GRIK3: variants seen among roughly 807,000 people sequenced by gnomAD.
GRIK3 encodes glutamate receptor ionotropic, kainate 3.
A neutral mutation model predicts 102.5 loss-of-function variants in GRIK3; 29 were observed. The ratio of observed to expected loss-of-function variants is 0.28; its 90% CI spans 0.21 to 0.39. The LOEUF (loss-of-function observed/expected upper bound fraction) is 0.39. GRIK3 is among the 10% of genes least tolerant of loss of function. The pLI is 1.00. For synonymous variants in GRIK3, 511 were observed against 504.9 expected, an observed-to-expected ratio of 1.01 and a Z score of -0.16; for missense variants, 908 against 1,252.4, an observed-to-expected ratio of 0.73 and a Z score of 4.15.
chr1:36,971,543 C>T (rs1340684429), intron 1 of GRIK3, among the ~76,000 whole-genome samples: 5 of 152,186 alleles, frequency 3.3e-5, no homozygotes, highest in South Asian at 4.1e-4. Context: ...TCTAAGTCCT[C>T]CCCTCTGTGC....
intron 2 of GRIK3, among the ~76,000 whole-genome samples, chr1:36,885,698 C>T (rs147418675): frequency 0.016 from 2,431 of 152,320 alleles, 34 homozygotes; most frequent in South Asian, 0.04. Flanking sequence ...AACACTGCTG[C>T]CCCCACAGGG....
Position 36,819,658 on chromosome 1 carries a change from C to G in GRIK3, c.1873+78G>C, listed in dbSNP as rs1642675599. 3 of 792,670 alleles carry G rather than the reference C, an allele frequency of 3.8e-6. No homozygotes were observed. The highest frequency in any genetic ancestry group is 6.8e-6 in the Non-Finnish European group (3 of 440,366). 49.1% of individuals were successfully genotyped at this position (792,670 alleles called of 1,614,324 possible). A position where few individuals can be genotyped will look rare whatever the true frequency, so the allele number is the denominator to read the frequency against. ...CTACCCCTAGAGGTGTGGGCTGGCT[C>G]TGCTGATGCCAAAGAGGCTGAAGAC... On this transcript the variant is annotated intron_variant, in intron 12 of 15. Coordinates refer to ENST00000373091, the MANE Select transcript of GRIK3 (RefSeq NM_000831.4). The surrounding 1 kb of genome is among the most constrained non-coding windows in gnomAD (Gnocchi z 4.1).
intron 1 of GRIK3, among the ~76,000 whole-genome samples, chr1:36,967,406 C>T (rs914541672): frequency 1.3e-5 from 2 of 152,208 alleles, no homozygotes; most frequent in Non-Finnish European, 2.9e-5. Flanking sequence ...ACCCTCTGCT[C>T]AGGGATCACT....
intron 1 of GRIK3, among the ~76,000 whole-genome samples, chr1:36,922,337 G>GTGGCAGGTA (rs1295100613): frequency 2.0e-5 from 3 of 152,168 alleles, no homozygotes; most frequent in Non-Finnish European, 4.4e-5. Flanking sequence ...GTTCTGCCCT[G>GTGGCAGGTA]TGGCAGGTAC....
chr1:37,017,550 G>A lies in GRIK3; in HGVS notation c.115+16444C>T, dbSNP rs183915842. On this transcript the variant is annotated intron_variant, in intron 1 of 15. Transcript: ENST00000373091. ...AGGCACTGGCCTTTTCAGGGAGCTC[G>A]GAAAACCTGGATTTTTATGGCATCT... Among the ~76,000 whole-genome samples, 4 of 152,140 alleles carry A rather than the reference G, an allele frequency of 2.6e-5. No individual in the cohort carries two copies. The East Asian group carries it at 5.8e-4, about 22-fold the overall frequency.
intron 1 of GRIK3, among the ~76,000 whole-genome samples, chr1:36,935,570 G>A (rs1352759966): frequency 5.3e-5 from 7 of 131,962 alleles, no homozygotes; most frequent in African/African-American, 1.7e-4. Flanking sequence ...CCCTGCCCCC[G>A]CACCCAGCAA....
chr1:36,908,537 G>A, intron 1 of GRIK3, among the ~76,000 whole-genome samples: 1 of 152,196 alleles, frequency 6.6e-6, no homozygotes, highest in East Asian at 1.9e-4. Flanking sequence ...CCCCGCTGGA[G>A]GCTGCCCCCC....
rs1640851622 is a variant in GRIK3, at chr1:36,872,286, C to T, written c.634G>A (p.Asp212Asn). 5 of 1,613,182 alleles carry T rather than the reference C, an allele frequency of 3.1e-6. No individual in the cohort carries two copies. Among genetic ancestry groups the T allele is most frequent in the Non-Finnish European group, 3.4e-6 (4 of 1,179,596 alleles). The part of the protein sequence containing the change: ...LKIRQLPIDS[D>N]DSRPLLKEMK... Reference sequence around the variant, plus strand: ...TCCTTGAGCAAGGGGCGCGAGTCGTCAGAGTCGATGGGGAGCTGACGGATC... The same window carrying T: ...TCCTTGAGCAAGGGGCGCGAGTCGTTAGAGTCGATGGGGAGCTGACGGATC... The change falls in exon 4 of 16, where the codon GAC becomes AAC. Residue 212 changes from aspartate (D) to asparagine (N), a missense_variant. This residue lies in a region of GRIK3 where 585 missense variants were observed against 824.9 expected (regional missense o/e 0.71). Transcript: ENST00000373091. The surrounding 1 kb of genome is among the most constrained non-coding windows in gnomAD (Gnocchi z 5.9).
intron 1 of GRIK3, among the ~76,000 whole-genome samples, chr1:36,921,904 GCTCCTTCCCTCCCACCT>G (rs1319438305): frequency 6.6e-6 from 1 of 152,140 alleles, no homozygotes; most frequent in African/African-American, 2.4e-5. Context: ...GGGTCCAGTG[GCTCCTTCCCTCCCACCT>G]CTCTCCTTTC....
At chr1:36,869,645 C>A in intron 5 of GRIK3, 103 bp downstream of exon 5, 1 of 888,158 alleles carries the variant, frequency 1.1e-6, no homozygotes, top group Non-Finnish European at 1.9e-6. Flanking sequence ...CCTGAGGAAG[C>A]TGCAGCAATT....
chr1:36,848,829 T>C (rs943551195), intron 9 of GRIK3, among the ~76,000 whole-genome samples: 1 of 152,122 alleles, frequency 6.6e-6, no homozygotes, highest in Admixed American at 6.5e-5. Flanking sequence ...TATTTTTGCT[T>C]ATTGGTTTTA....
At chr1:36,986,979 A>G (rs568697021) in intron 1 of GRIK3, among the ~76,000 whole-genome samples, 1 of 152,298 alleles carries the variant, frequency 6.6e-6, no homozygotes, top group African/African-American at 2.4e-5. Context: ...CACCCAACCC[A>G]AGGATACAAC....
intron 1 of GRIK3, among the ~76,000 whole-genome samples, chr1:36,943,452 T>C (rs1172221996): frequency 6.6e-6 from 1 of 152,136 alleles, no homozygotes; most frequent in Non-Finnish European, 1.5e-5. Flanking sequence ...CATTTCCACC[T>C]CTACACAATG....
chr1:36,947,936 C>T (rs1641802922), intron 1 of GRIK3, among the ~76,000 whole-genome samples: 1 of 152,138 alleles, frequency 6.6e-6, no homozygotes, highest in South Asian at 2.1e-4. Flanking sequence ...TCACTCTCTA[C>T]ACTTGCCTTT....
chr1:36,940,574 T>C (rs1047496427), intron 1 of GRIK3, among the ~76,000 whole-genome samples: 3 of 152,194 alleles, frequency 2.0e-5, no homozygotes, highest in South Asian at 2.1e-4. Context: ...TCTTGAGATA[T>C]TGCATAACAC....
chr1:36,810,030 C>T (rs1001434082), intron 13 of GRIK3, among the ~76,000 whole-genome samples: 1 of 152,154 alleles, frequency 6.6e-6, no homozygotes, highest in African/African-American at 2.4e-5. Context: ...TTGGGGCCCC[C>T]CTTCTCAACC....
chr1:36,858,824 C>A (rs896727767), intron 7 of GRIK3, among the ~76,000 whole-genome samples: 1 of 152,156 alleles, frequency 6.6e-6, no homozygotes, highest in African/African-American at 2.4e-5. Flanking sequence ...AAGCAAACAC[C>A]CTCATCTGTT....
chr1:37,027,470 C>G (rs1003285734), intron 1 of GRIK3, among the ~76,000 whole-genome samples: 1 of 152,138 alleles, frequency 6.6e-6, no homozygotes, highest in Non-Finnish European at 1.5e-5. Flanking sequence ...GGCACCCCCT[C>G]TCATGGTCAG....
At chr1:36,873,695 C>G (rs1000615227) in intron 3 of GRIK3, among the ~76,000 whole-genome samples, 1 of 152,122 alleles carries the variant, frequency 6.6e-6, no homozygotes, top group Middle Eastern at 3.2e-3. Context: ...ACTTCTCCCC[C>G]ACTCTTAGTT....
Sources: gnomAD v4.1 joint callset for allele counts (sites outside exome capture counted in the v4.1 genomes callset) on GRCh38, gnomAD v4.1.1 for gene constraint, gnomAD v4.1.1 regional missense constraint, Gnocchi (gnomAD v3.1) non-coding constraint, MANE v1.5 for transcripts, NCBI Gene and HGNC (gene_info 2026-07-23, HGNC 2026-07-21) for gene names.